FGFR1OP2: variants seen among roughly 807,000 people sequenced by gnomAD.
The protein encoded by FGFR1OP2 is FGFR1 oncogene partner 2.
Under a neutral mutation model 35.2 loss-of-function variants are expected in FGFR1OP2, and 17 were observed. That is an observed-to-expected ratio of 0.48 (90% CI 0.33 to 0.73). FGFR1OP2 has a LOEUF of 0.73. Among genes scored for constraint, FGFR1OP2 ranks in the 30% least tolerant of loss-of-function variants. FGFR1OP2 has a pLI of 0.02. For synonymous variants in FGFR1OP2, 105 were observed against 104.6 expected, an observed-to-expected ratio of 1.00 and a Z score of -0.03; for missense variants, 251 against 307.3, an observed-to-expected ratio of 0.82 and a Z score of 1.37.
At chr12:26,942,190 A>G (rs1938746509) in intron 1 of FGFR1OP2, among the ~76,000 whole-genome samples, 1 of 151,988 alleles carries the variant, frequency 6.6e-6, no homozygotes, top group African/African-American at 2.4e-5. Context: ...GCGCCACCAC[A>G]CCCAGCTAGT....
intron 1 of FGFR1OP2, among the ~76,000 whole-genome samples, chr12:26,952,991 G>A (rs61618590): frequency 1.2e-4 from 18 of 152,090 alleles, no homozygotes; most frequent in African/African-American, 4.3e-4. Flanking sequence ...AGCTGGGCAC[G>A]GTGGCTCACA....
At chr12:26,949,671 C>T (rs144065497) in intron 1 of FGFR1OP2, among the ~76,000 whole-genome samples, 5 of 152,136 alleles carry the variant, frequency 3.3e-5, no homozygotes, top group African/African-American at 4.8e-5. Context: ...CTCTGCCTCC[C>T]GGGTTCAAGC....
At chr12:26,950,228 T>TTTTTTG (rs1938903235) in intron 1 of FGFR1OP2, among the ~76,000 whole-genome samples, 1 of 117,462 alleles carries the variant, frequency 8.5e-6, no homozygotes, top group African/African-American at 3.4e-5. Context: ...TTTTTTTTTT[T>TTTTTTG]TTTTTTTTTT....
At chr12:26,945,718 G>A (rs184382668) in intron 1 of FGFR1OP2, among the ~76,000 whole-genome samples, 23 of 152,232 alleles carry the variant, frequency 1.5e-4, no homozygotes, top group South Asian at 8.3e-4. Flanking sequence ...AAAATTAGCC[G>A]GACATGGTGG....
intron 1 of FGFR1OP2, among the ~76,000 whole-genome samples, chr12:26,948,835 G>A (rs1020516124): frequency 4.6e-5 from 7 of 152,112 alleles, no homozygotes; most frequent in Admixed American, 2.0e-4. Context: ...GTGTCTTTTC[G>A]GTAGGGGACT....
At chr12:26,951,548 G>C (rs545705187) in intron 1 of FGFR1OP2, among the ~76,000 whole-genome samples, 1 of 152,114 alleles carries the variant, frequency 6.6e-6, no homozygotes, top group South Asian at 2.1e-4. Context: ...TTGAACTCCT[G>C]AATTCAAGTG....
intron 2 of FGFR1OP2, among the ~76,000 whole-genome samples, chr12:26,956,316 A>T (rs954369310): frequency 1.3e-5 from 2 of 151,964 alleles, no homozygotes; most frequent in African/African-American, 4.8e-5. Context: ...GGCCATTTGT[A>T]TATCTTCTTT....
At chr12:26,961,163 T>C (rs1939100780) in intron 5 of FGFR1OP2, 1 of 152,348 alleles carries the variant, frequency 6.6e-6, no homozygotes, top group African/African-American at 2.4e-5. Flanking sequence ...GGAATAAACC[T>C]AGACAGGGAG....
chr12:26,962,381 A>G (rs1939116504), intron 5 of FGFR1OP2: 1 of 152,208 alleles, frequency 6.6e-6, no homozygotes. Context: ...AAATATATAT[A>G]TACACAACTA....
rs1939178300 is a variant in FGFR1OP2, at chr12:26,966,225, T to A, written c.*1492T>A. On this transcript the variant is annotated 3_prime_UTR_variant, in exon 7 of 7. Coordinates refer to ENST00000229395, the MANE Select transcript of FGFR1OP2 (RefSeq NM_015633.3). ...TTTTTCAGTCAGAGGCCTTATTTGA[T>A]ATTTTATAAATAAATGACAGTTTTT... 1 of 152,100 alleles carries A rather than the reference T, an allele frequency of 6.6e-6. No individual in the cohort carries two copies. The highest frequency in any genetic ancestry group is 1.5e-5 in the Non-Finnish European group (1 of 67,982). The allele number at this position is 152,100 out of a possible 1,614,324, so 9.4% of individuals were successfully genotyped here. A position where few individuals can be genotyped will look rare whatever the true frequency, so the allele number is the denominator to read the frequency against.
chr12:26,945,821 A>G (rs930495932), intron 1 of FGFR1OP2, among the ~76,000 whole-genome samples: 1 of 151,408 alleles, frequency 6.6e-6, no homozygotes, highest in Non-Finnish European at 1.5e-5. Flanking sequence ...AGAATGTGCC[A>G]TCGCACTCCA....
In FGFR1OP2 at chr12:26,966,227, T is replaced by C. The variant is rs1235521450; in HGVS notation, c.*1494T>C. 1 of 152,092 alleles carries C rather than the reference T, an allele frequency of 6.6e-6. No individual in the cohort carries two copies. The highest frequency in any genetic ancestry group is 2.4e-5 in the African/African-American group (1 of 41,442). The allele number at this position is 152,092 out of a possible 1,614,324, so 9.4% of individuals were successfully genotyped here. The stretch of plus-strand genomic sequence containing the variant: ...TTTCAGTCAGAGGCCTTATTTGATA[T>C]TTTATAAATAAATGACAGTTTTTAT... On this transcript the variant is annotated 3_prime_UTR_variant, in exon 7 of 7. Coordinates refer to ENST00000229395, the MANE Select transcript of FGFR1OP2 (RefSeq NM_015633.3).
chr12:26,960,441 A>T, intron 4 of FGFR1OP2, 74 bp from the exon 5 acceptor site: 2 of 987,694 alleles, frequency 2.0e-6, no homozygotes, highest in Non-Finnish European at 2.9e-6. Context: ...GCTAACACGC[A>T]TGAACTAACA....
chr12:26,960,288 C>T (rs572702442), intron 4 of FGFR1OP2, among the ~76,000 whole-genome samples: 55 of 152,178 alleles, frequency 3.6e-4, no homozygotes, highest in Admixed American at 3.2e-3. Context: ...GAACTTTGCC[C>T]TTAACTAGAA....
chr12:26,955,029 C>G (rs1267468083), intron 2 of FGFR1OP2, among the ~76,000 whole-genome samples: 1 of 152,146 alleles, frequency 6.6e-6, no homozygotes, highest in African/African-American at 2.4e-5. Context: ...TTTAACAAAG[C>G]TACTGGAAAT....
chr12:26,947,598 T>A (rs1201461011), intron 1 of FGFR1OP2, among the ~76,000 whole-genome samples: 2 of 152,124 alleles, frequency 1.3e-5, no homozygotes, highest in Admixed American at 6.6e-5. Context: ...CCCAGGCTGG[T>A]CTTGAATTCC....
Position 26,963,529 on chromosome 12 carries a change from T to A in FGFR1OP2, c.624+74T>A, listed in dbSNP as rs993898065. ...TATGCCAGAAAATATATCCCATTTT[T>A]AAATATATATTTACTCTTCTTGGGT... On this transcript the variant is annotated intron_variant, in intron 6 of 6. Transcript: ENST00000229395. 4 of 945,500 alleles carry A rather than the reference T, an allele frequency of 4.2e-6. No homozygotes were observed. In the African/African-American group the frequency reaches 6.7e-5, roughly 16 times the overall value. The allele number at this position is 945,500 out of a possible 1,614,324, so 58.6% of individuals were successfully genotyped here. A position where few individuals can be genotyped will look rare whatever the true frequency, so the allele number is the denominator to read the frequency against.
chr12:26,942,779 T>A (rs1938757292), intron 1 of FGFR1OP2, among the ~76,000 whole-genome samples: 1 of 152,228 alleles, frequency 6.6e-6, no homozygotes, highest in African/African-American at 2.4e-5. Context: ...TAAAGTCTTT[T>A]ATTCATTTTT....
rs116905813 is a variant in FGFR1OP2 at position 26,939,099 on chromosome 12, A to T, written c.-15+389A>T. ...TTGAAACTGCTCTCCAAGGGGTATT[A>T]CTCTTTTCTGGTTCTCTTCCTGCCT... is the stretch of plus-strand genomic sequence containing the variant. On this transcript the variant is annotated intron_variant, in intron 1 of 6. Coordinates refer to ENST00000229395, the MANE Select transcript of FGFR1OP2 (RefSeq NM_015633.3). 1.2e-3 allele frequency among the ~76,000 whole-genome samples: 182 copies of T among 151,772 alleles called. 2 individuals carry two copies. The East Asian group carries it at 0.032, about 27-fold the overall frequency.
Sources: allele counts gnomAD v4.1 joint callset (sites outside exome capture counted in the v4.1 genomes callset), GRCh38; gene constraint gnomAD v4.1.1; transcripts MANE v1.5; gene names NCBI Gene and HGNC (gene_info 2026-07-23, HGNC 2026-07-21).